CDH18: variants seen among roughly 807,000 people sequenced by gnomAD.
CDH18 encodes cadherin 18.
Under a neutral mutation model 67.9 loss-of-function variants are expected in CDH18, and 31 were observed. The ratio of observed to expected loss-of-function variants is 0.46; its 90% CI spans 0.34 to 0.62. CDH18 has a LOEUF of 0.62. CDH18 is among the 20% of genes least tolerant of loss of function. The pLI, the probability that CDH18 is intolerant of heterozygous loss-of-function variation, is 0.01. For missense variants in CDH18, 890 were observed against 975.5 expected, an observed-to-expected ratio of 0.91 and a Z score of 1.17; for synonymous variants, 362 against 347.2, an observed-to-expected ratio of 1.04 and a Z score of -0.48.
chr5:20,557,761 T>C (rs1703069), intron 1 of CDH18, among the ~76,000 whole-genome samples: 102,000 of 146,426 alleles, frequency 0.7, 36,290 homozygotes, highest in East Asian at 0.98. Context: ...TTTCTATTAC[T>C]AAGGAATAGA....
chr5:20,139,297 C>A (rs1750029438), intron 2 of CDH18, among the ~76,000 whole-genome samples: 1 of 152,088 alleles, frequency 6.6e-6, no homozygotes, highest in Admixed American at 6.6e-5. Context: ...GTTCCTTACA[C>A]CTTATATAAA....
chr5:19,627,627 A>G (rs986442540), intron 5 of CDH18, among the ~76,000 whole-genome samples: 2 of 152,234 alleles, frequency 1.3e-5, no homozygotes, highest in Non-Finnish European at 2.9e-5. Flanking sequence ...TGTGTGCTAC[A>G]TATCTTTTAT....
chr5:19,471,927 G>C lies in CDH18; in HGVS notation c.*1299C>G, dbSNP rs1737683360. On this transcript the variant is annotated 3_prime_UTR_variant, in exon 13 of 13. Coordinates refer to ENST00000382275, the MANE Select transcript of CDH18 (RefSeq NM_004934.5). Reference sequence around the variant, plus strand: ...TTTGCAGTTGGCAAAGCATTTTACAGATGCTCATTTAATCCTCACAACAAC... The same window carrying C: ...TTTGCAGTTGGCAAAGCATTTTACACATGCTCATTTAATCCTCACAACAAC... 6.6e-6 allele frequency among the ~76,000 whole-genome samples: 1 copy of C among 152,156 alleles called. No individual in the cohort carries two copies. The highest frequency in any genetic ancestry group is 1.5e-5 in the Non-Finnish European group (1 of 68,026).
intron 1 of CDH18, among the ~76,000 whole-genome samples, chr5:20,431,003 C>T (rs1403489439): frequency 6.6e-6 from 1 of 152,058 alleles, no homozygotes; most frequent in Non-Finnish European, 1.5e-5. Flanking sequence ...GTTAATGTAA[C>T]CCGTTTGAAG....
intron 1 of CDH18, among the ~76,000 whole-genome samples, chr5:20,411,912 T>G (rs543913689): frequency 6.6e-6 from 1 of 152,258 alleles, no homozygotes; most frequent in African/African-American, 2.4e-5. Context: ...AATCATCCCT[T>G]GCTCATGGAA....
At chr5:19,510,977 A>C (rs746640498) in intron 10 of CDH18, among the ~76,000 whole-genome samples, 1 of 151,936 alleles carries the variant, frequency 6.6e-6, no homozygotes, top group Non-Finnish European at 1.5e-5. Context: ...ATGCCTAGCT[A>C]ATTTTTTGTA....
At chr5:19,515,249 C>G (rs1027979437) in intron 10 of CDH18, among the ~76,000 whole-genome samples, 17 of 152,106 alleles carry the variant, frequency 1.1e-4, no homozygotes, top group Non-Finnish European at 2.1e-4. Flanking sequence ...GTTACTGTAG[C>G]CTTGTAGTAT....
intron 4 of CDH18, among the ~76,000 whole-genome samples, chr5:19,741,254 T>C (rs533437904): frequency 1.3e-5 from 1 of 74,652 alleles, no homozygotes; most frequent in Non-Finnish European, 4.5e-5. Context: ...TGTATGTATA[T>C]ATGTATACAT....
chr5:20,225,791 G>A (rs535498270), intron 2 of CDH18, among the ~76,000 whole-genome samples: 3 of 152,098 alleles, frequency 2.0e-5, no homozygotes, highest in African/African-American at 7.2e-5. Context: ...CACTTCAATG[G>A]TGTTTTGATC....
intron 6 of CDH18, among the ~76,000 whole-genome samples, chr5:19,596,169 T>C (rs1308728660): frequency 6.6e-6 from 1 of 152,150 alleles, no homozygotes; most frequent in Non-Finnish European, 1.5e-5. Flanking sequence ...GGCACAGCTA[T>C]GAAATACTAA....
chr5:20,376,563 TAA>T (rs529874090), intron 1 of CDH18, among the ~76,000 whole-genome samples: 133 of 134,376 alleles, frequency 9.9e-4, no homozygotes, highest in Admixed American at 1.4e-3. Context: ...TTTGCTTAAT[TAA>T]AAAAAAAAAA....
intron 2 of CDH18, among the ~76,000 whole-genome samples, chr5:20,129,334 G>GATAA (rs1486422450): frequency 5.3e-5 from 8 of 151,826 alleles, no homozygotes; most frequent in African/African-American, 1.9e-4. Flanking sequence ...CTGCCCCTAG[G>GATAA]TTACATGCTA....
intron 8 of CDH18, among the ~76,000 whole-genome samples, chr5:19,552,610 G>C (rs951297141): frequency 6.6e-6 from 1 of 152,066 alleles, no homozygotes; most frequent in African/African-American, 2.4e-5. Context: ...GCATCAAAAT[G>C]GTATCTTCAC....
At chr5:19,956,249 C>T (rs929509602) in intron 2 of CDH18, among the ~76,000 whole-genome samples, 2 of 151,862 alleles carry the variant, frequency 1.3e-5, no homozygotes, top group African/African-American at 4.8e-5. Context: ...TGAAATTAAC[C>T]TTGGTTTACT....
chr5:19,780,443 T>A (rs1774973834), intron 3 of CDH18, among the ~76,000 whole-genome samples: 1 of 152,156 alleles, frequency 6.6e-6, no homozygotes, highest in Admixed American at 6.5e-5. Flanking sequence ...ATACATTGTA[T>A]CCTACTGTCA....
intron 5 of CDH18, among the ~76,000 whole-genome samples, chr5:19,669,086 C>A (rs1758357881): frequency 2.0e-5 from 3 of 147,410 alleles, no homozygotes; most frequent in African/African-American, 7.4e-5. Flanking sequence ...TTACTTCCAA[C>A]TTGATTTGTA....
intron 1 of CDH18, among the ~76,000 whole-genome samples, chr5:20,314,555 G>C (rs1406169799): frequency 2.0e-5 from 3 of 151,994 alleles, no homozygotes; most frequent in Non-Finnish European, 4.4e-5. Flanking sequence ...TATGCATCTA[G>C]GTTATTGATA....
chr5:19,480,351 T>TTTTATTTATTTA (rs70950071), intron 12 of CDH18, among the ~76,000 whole-genome samples: 249 of 145,470 alleles, frequency 1.7e-3, no homozygotes, highest in Middle Eastern at 3.5e-3. Flanking sequence ...ATAAAGTTTA[T>TTTTATTTATTTA]TTTATTTATT....
chr5:20,048,170 A>C (rs1214119741), intron 2 of CDH18, among the ~76,000 whole-genome samples: 1 of 151,724 alleles, frequency 6.6e-6, no homozygotes, highest in East Asian at 1.9e-4. Context: ...ATAGGAAAAC[A>C]ATATAATATA....
Sources: allele counts gnomAD v4.1 joint callset (sites outside exome capture counted in the v4.1 genomes callset), GRCh38; gene constraint gnomAD v4.1.1; transcripts MANE v1.5; gene names NCBI Gene and HGNC (gene_info 2026-07-23, HGNC 2026-07-21).